Variants in TECPR1 observed in about 807,000 individuals in gnomAD.
TECPR1 encodes tectonin beta-propeller repeat containing 1, also known as tectonin beta-propeller repeat-containing protein 1.
In TECPR1, 122 loss-of-function variants were observed where a neutral mutation model predicts 162.4. The observed-to-expected ratio is 0.75, with a 90% CI of 0.65 to 0.87. The LOEUF is 0.87. Ranked by LOEUF, TECPR1 falls within the 40% of genes least tolerant of loss-of-function variation. The pLI, the probability that TECPR1 is intolerant of heterozygous loss-of-function variation, is 0.00. For synonymous variants in TECPR1, 642 were observed against 670.6 expected (o/e 0.96, Z 0.66); for missense variants, 1,432 against 1,618.2 (o/e 0.88, Z 1.97).
chr7:98,248,067 G>A (rs1034706548), intron 2 of TECPR1, among the ~76,000 whole-genome samples: 2 of 152,162 alleles, frequency 1.3e-5, no homozygotes, highest in African/African-American at 4.8e-5. Context: ...CATAGCCAAG[G>A]CTATTGCTAA....
chr7:98,235,657 C>T (rs1164268067), intron 10 of TECPR1, among the ~76,000 whole-genome samples: 1 of 150,218 alleles, frequency 6.7e-6, no homozygotes, highest in Non-Finnish European at 1.5e-5. Context: ...TGGGGAAACC[C>T]TGTCTCTACT....
intron 23 of TECPR1, among the ~76,000 whole-genome samples, chr7:98,220,684 G>A (rs969917886): frequency 1.3e-5 from 2 of 151,730 alleles, no homozygotes; most frequent in African/African-American, 4.8e-5. Flanking sequence ...TCAGCCTCCC[G>A]ATTAGCTTGG....
intron 11 of TECPR1, chr7:98,233,218 G>C (rs866668692): frequency 1.2e-6 from 1 of 820,792 alleles, no homozygotes; most frequent in Middle Eastern, 3.7e-4. Context: ...TGGCCACCGT[G>C]CTTCCAGGTC....
rs550476978 is a variant in TECPR1 at position 98,247,647 on chromosome 7, C to T, written c.-19-1482G>A. ...GGGACGTAGGGGTCTTTTCTTCATG[C>T]GCCCTCAGTGACTCCTTCCTCCTCT... On this transcript the variant is annotated intron_variant, in intron 2 of 25. Transcript: ENST00000447648. 7.2e-5 allele frequency among the ~76,000 whole-genome samples: 11 copies of T among 152,250 alleles called. No individual in the cohort carries two copies. The East Asian group carries it at 1.9e-3, about 27-fold the overall frequency.
At chr7:98,231,506 C>A in intron 13 of TECPR1, 133 bp from the exon 14 acceptor site, 1 of 931,970 alleles carries the variant, frequency 1.1e-6, no homozygotes, top group Non-Finnish European at 1.6e-6. Context: ...AGCCCTGCCC[C>A]CTCCCTTGGT....
chr7:98,217,554 G>T, intron 25 of TECPR1, 51 bp from the exon 26 acceptor site: 1 of 1,546,444 alleles, frequency 6.5e-7, no homozygotes, highest in Middle Eastern at 1.8e-4. Flanking sequence ...CGAGGATCCT[G>T]GAGGGGATCT....
In TECPR1 at chr7:98,244,949, T is replaced by C. The variant is rs758716303; in HGVS notation, c.344A>G (p.His115Arg). 8.7e-6 allele frequency: 14 copies of C among 1,612,890 alleles called. No individual in the cohort carries two copies. In the South Asian group the frequency reaches 1.5e-4, roughly 18 times the overall value. The change falls in exon 4 of 26, where the codon CAC becomes CGC. Residue 115 changes from histidine (H) to arginine (R), a missense_variant. Physicochemically the swap from His to Arg is conservative, Grantham distance 29 (BLOSUM62 0). Transcript: ENST00000447648. ...GTACCAGTCAGACTCCCACTCCCAG[T>C]GCGGCGAGGGCAGTGCCACCCTGTC... ...PLDRVALPSPHWEWESDWYVD... is the reference protein window; with the variant it reads ...PLDRVALPSPRWEWESDWYVD...
In TECPR1 at chr7:98,231,060, G is replaced by A. The variant is rs199746905; in HGVS notation, c.2183C>T (p.Pro728Leu). Residue 728 changes from proline (P) to leucine (L), a missense_variant, in exon 15 of 26, where the codon CCG becomes CTG. By Grantham distance (98) the Pro-to-Leu change is moderately conservative. Coordinates refer to ENST00000447648, the MANE Select transcript of TECPR1 (RefSeq NM_015395.3). ...ESRKVQGRPSPQAIWSITCKG... is the reference protein window; with the variant it reads ...ESRKVQGRPSLQAIWSITCKG... ...GCAGGTGATGGACCAGATGGCCTGC[G>A]GGGACGGGCGGCCCTGCACCTTCCG... 1.8e-5 allele frequency: 29 copies of A among 1,610,180 alleles called. No homozygotes were observed. Among genetic ancestry groups the A allele is most frequent in the Admixed American group, 8.4e-5 (5 of 59,608 alleles).
intron 2 of TECPR1, among the ~76,000 whole-genome samples, chr7:98,247,177 C>T (rs921386884): frequency 2.2e-4 from 33 of 151,846 alleles, no homozygotes; most frequent in African/African-American, 7.5e-4. Flanking sequence ...GGGTCTTGCT[C>T]GGTCACCCAG....
chr7:98,222,754 T>C (rs562179058), intron 21 of TECPR1: 1 of 780,522 alleles, frequency 1.3e-6, no homozygotes, highest in South Asian at 1.7e-5. Flanking sequence ...CTCACCGGGG[T>C]GCTGACCACC....
At position 98,231,852 on chromosome 7, in the gene TECPR1, G is replaced by A. The variant is rs1185568278; in HGVS notation, c.1926C>T (p.Val642=). 1 of 1,612,828 alleles carries A rather than the reference G, an allele frequency of 6.2e-7. No individual in the cohort carries two copies. The highest frequency in any genetic ancestry group is 1.1e-5 in the South Asian group (1 of 91,076). ...ALEQFTGHDG[V]RDSILFIYYV... ...AGTAGATGAAGAGGATGCTGTCCCG[G>A]ACGCCGTCGTGCCCCGTGAACTGCT... The change falls in exon 13 of 26, where the codon GTC becomes GTT. Residue 642 remains valine (V), a synonymous_variant. Transcript: ENST00000447648.
At chr7:98,250,905 C>CCAGG (rs1319179295) in intron 2 of TECPR1, 1 of 152,088 alleles carries the variant, frequency 6.6e-6, no homozygotes, top group East Asian at 1.9e-4. Flanking sequence ...GAGTAGAGAC[C>CCAGG]CAGGCACCTG....
chr7:98,242,860 A>C (rs1798793678), intron 6 of TECPR1, among the ~76,000 whole-genome samples: 1 of 106,052 alleles, frequency 9.4e-6, no homozygotes, highest in Non-Finnish European at 2.0e-5. Flanking sequence ...ATTCATCCAC[A>C]CATATACCCA....
intron 5 of TECPR1, among the ~76,000 whole-genome samples, chr7:98,244,069 G>GCA (rs961408550): frequency 2.4e-4 from 36 of 150,844 alleles, no homozygotes; most frequent in African/African-American, 8.0e-4. Context: ...TCTCTAAAAA[G>GCA]AAAAAAAAAT....
At chr7:98,239,516 C>T (rs926133949) in intron 8 of TECPR1, among the ~76,000 whole-genome samples, 9 of 152,110 alleles carry the variant, frequency 5.9e-5, no homozygotes, top group South Asian at 4.1e-4. Context: ...GATCGGGCCA[C>T]GGCATTCCAG....
In TECPR1 at chr7:98,233,775, C is replaced by T; in HGVS notation, c.1318G>A (p.Ala440Thr). 2 of 1,612,398 alleles carry T rather than the reference C, an allele frequency of 1.2e-6. No individual in the cohort carries two copies. The highest frequency in any genetic ancestry group is 1.7e-6 in the Non-Finnish European group (2 of 1,179,676). Reference protein sequence around the residue: ...PAEPLDDSKNATGNSASGLGA... With the variant: ...PAEPLDDSKNTTGNSASGLGA... ...AGGCCTGAGGCTGAGTTCCCTGTGG[C>T]ATTCTTGGAATCGTCTAGAGGTTCT... The change falls in exon 11 of 26, where the codon GCC becomes ACC. Residue 440 changes from alanine to threonine, a missense_variant. Physicochemically the swap from Ala to Thr is moderately conservative, Grantham distance 58 (BLOSUM62 0). Transcript: ENST00000447648.
chr7:98,238,678 C>A (rs968761442), intron 8 of TECPR1, 68 bp from the exon 9 acceptor site: 1 of 1,273,536 alleles, frequency 7.9e-7, no homozygotes, highest in East Asian at 2.5e-5. Flanking sequence ...TTCGTTTAAG[C>A]CTCAGGGAGA....
chr7:98,245,960 C>T lies in TECPR1; in HGVS notation c.187G>A (p.Val63Ile), dbSNP rs1798896053. The change falls in exon 3 of 26, where the codon GTC becomes ATC. Residue 63 changes from valine (V) to isoleucine (I), a missense_variant. Physicochemically the swap from Val to Ile is conservative, Grantham distance 29. Transcript: ENST00000447648. ...QVYVYVCASD[V>I]PIRRREEAYE... Reference sequence around the variant, plus strand: ...GCCTCCTCTCGGCGGCGGATGGGGACATCGCTGGCACACACATACACGTAG... The same window carrying T: ...GCCTCCTCTCGGCGGCGGATGGGGATATCGCTGGCACACACATACACGTAG... 6.2e-7 allele frequency: 1 copy of T among 1,606,336 alleles called. No homozygotes were observed. Among genetic ancestry groups the T allele is most frequent in the Admixed American group, 1.7e-5 (1 of 59,104 alleles).
intron 22 of TECPR1, 75 bp downstream of exon 22, chr7:98,222,311 C>G: frequency 6.5e-7 from 1 of 1,529,452 alleles, no homozygotes; most frequent in East Asian, 2.4e-5. Context: ...GACCCTGGCC[C>G]AGAGGGGATG....
Sources: gnomAD v4.1 joint callset for allele counts (sites outside exome capture counted in the v4.1 genomes callset) on GRCh38, gnomAD v4.1.1 for gene constraint, MANE v1.5 for transcripts, NCBI Gene and HGNC (gene_info 2026-07-23, HGNC 2026-07-21) for gene names.